Variants in GLI3 observed in about 807,000 individuals in gnomAD.
GLI3 encodes the protein transcription activator GLI3.
A neutral mutation model predicts 100.8 loss-of-function variants in GLI3; 20 were observed. The ratio of observed to expected loss-of-function variants is 0.20; its 90% CI spans 0.14 to 0.29. The LOEUF (loss-of-function observed/expected upper bound fraction) is 0.29. Ranked by LOEUF, GLI3 falls within the 10% of genes least tolerant of loss-of-function variation. The pLI is 1.00. For missense variants in GLI3, 2,040 were observed against 2,128.5 expected (o/e 0.96, Z 0.82); for synonymous variants, 938 against 860.5 (o/e 1.09, Z -1.58).
At chr7:41,969,211 G>C (rs527744740) in intron 13 of GLI3, among the ~76,000 whole-genome samples, 71 of 152,292 alleles carry the variant, frequency 4.7e-4, no homozygotes, top group African/African-American at 1.6e-3. Flanking sequence ...GTCACAAAGT[G>C]AATGGTGCAA....
At position 42,210,854 on chromosome 7, in the gene GLI3, A is replaced by C. The variant is rs548686384; in HGVS notation, c.124+12276T>G. Among the ~76,000 whole-genome samples, 290 of 152,272 alleles carry C rather than the reference A, an allele frequency of 1.9e-3. 1 individual carries two copies. Among genetic ancestry groups the C allele is most frequent in the Non-Finnish European group, 2.5e-3 (172 of 68,010 alleles). On this transcript the variant is annotated intron_variant, in intron 2 of 14. Coordinates refer to ENST00000395925, the MANE Select transcript of GLI3 (RefSeq NM_000168.6). ...CATGTTTCCTCTTCAATCTAGAAAA[A>C]CCAACAAACTACCTTGTGCTAAGCC...
chr7:42,007,006 C>T (rs1554311958), intron 10 of GLI3, among the ~76,000 whole-genome samples: 1 of 151,948 alleles, frequency 6.6e-6, no homozygotes, highest in Non-Finnish European at 1.5e-5. Flanking sequence ...CCACAGGCAG[C>T]AGGTGAGGCT....
At chr7:42,201,055 T>C (rs896893962) in intron 2 of GLI3, among the ~76,000 whole-genome samples, 16 of 152,196 alleles carry the variant, frequency 1.1e-4, no homozygotes, top group African/African-American at 3.9e-4. Flanking sequence ...TAGTCCTGAA[T>C]CCTGTATACA....
chr7:42,107,687 G>A (rs1272310288), intron 3 of GLI3, among the ~76,000 whole-genome samples: 2 of 152,166 alleles, frequency 1.3e-5, no homozygotes, highest in Admixed American at 1.3e-4. Flanking sequence ...ACATTCCAGA[G>A]GAGGGAGGAA....
chr7:42,203,795 T>C (rs112391113), intron 2 of GLI3, among the ~76,000 whole-genome samples: 3,547 of 152,140 alleles, frequency 0.023, 129 homozygotes, highest in African/African-American at 0.081. Context: ...GACCAGGAGT[T>C]TGAGACCAGC....
intron 2 of GLI3, among the ~76,000 whole-genome samples, chr7:42,161,195 T>C (rs1787122856): frequency 6.6e-6 from 1 of 152,144 alleles, no homozygotes; most frequent in South Asian, 2.1e-4. Flanking sequence ...CAAATATATC[T>C]CAAACTTTTT....
chr7:42,138,963 C>G (rs1475624092), intron 3 of GLI3, among the ~76,000 whole-genome samples: 2 of 152,198 alleles, frequency 1.3e-5, no homozygotes, highest in Admixed American at 1.3e-4. Flanking sequence ...GAGACTCTTT[C>G]AGTCCTGGCT....
intron 2 of GLI3, among the ~76,000 whole-genome samples, chr7:42,164,977 T>C (rs538434943): frequency 6.6e-6 from 1 of 151,534 alleles, no homozygotes; most frequent in Admixed American, 6.6e-5. Flanking sequence ...ATGAGGCTTT[T>C]AAATCACTAT....
At chr7:42,214,862 T>TAAA (rs34437341) in intron 2 of GLI3, among the ~76,000 whole-genome samples, 13 of 118,996 alleles carry the variant, frequency 1.1e-4, no homozygotes, top group African/African-American at 3.9e-4. Context: ...CACTGGATGC[T>TAAA]AAAAAAAAAA....
intron 4 of GLI3, among the ~76,000 whole-genome samples, chr7:42,056,380 G>A (rs924150847): frequency 4.6e-5 from 7 of 152,178 alleles, no homozygotes; most frequent in African/African-American, 1.7e-4. Flanking sequence ...CTAATGAGTG[G>A]TGGCACAGCT....
intron 4 of GLI3, among the ~76,000 whole-genome samples, chr7:42,050,814 C>T (rs934977591): frequency 6.6e-6 from 1 of 152,160 alleles, no homozygotes; most frequent in Admixed American, 6.6e-5. Context: ...TATTATTTCT[C>T]CAAAATTCCA....
chr7:42,054,838 A>T (rs1394564555), intron 4 of GLI3, among the ~76,000 whole-genome samples: 1 of 151,586 alleles, frequency 6.6e-6, no homozygotes, highest in Non-Finnish European at 1.5e-5. Context: ...AAAATAAAAA[A>T]ATTAGACTGG....
At chr7:42,077,960 G>T (rs745699563) in intron 3 of GLI3, among the ~76,000 whole-genome samples, 3 of 152,194 alleles carry the variant, frequency 2.0e-5, no homozygotes, top group Non-Finnish European at 4.4e-5. Context: ...CTGGGAGCCT[G>T]CCTAGAGCCA....
chr7:41,963,621 C>T lies in GLI3; in HGVS notation c.*709G>A, dbSNP rs1562655860. On this transcript the variant is annotated 3_prime_UTR_variant, in exon 15 of 15. Transcript: ENST00000395925. ...TACAGACATAGCCTCCCCCAAAGCA[C>T]ACTTACAGACATGAAGAGCTGAAAA... 6.6e-6 allele frequency: 1 copy of T among 152,324 alleles called. No individual in the cohort carries two copies. The highest frequency in any genetic ancestry group is 6.5e-5 in the Admixed American group (1 of 15,288). The allele number at this position is 152,324 out of a possible 1,614,324, so 9.4% of individuals were successfully genotyped here.
In GLI3 at chr7:42,223,275, C is replaced by T. The variant is rs906500864; in HGVS notation, c.-22G>A. The T allele has an allele frequency of 6.2e-7, 1 of 1,610,256 alleles. No individual in the cohort carries two copies. On this transcript the variant is annotated 5_prime_UTR_variant, in exon 2 of 15. Transcript: ENST00000395925. Reference sequence around the variant, plus strand: ...CCATGATGTCTTCTCATTACTTCAGCTCTCTTCGACCAAAAATGCCCTAAA... The same window carrying T: ...CCATGATGTCTTCTCATTACTTCAGTTCTCTTCGACCAAAAATGCCCTAAA...
At chr7:42,142,837 G>A (rs1342957065) in intron 3 of GLI3, among the ~76,000 whole-genome samples, 1 of 151,338 alleles carries the variant, frequency 6.6e-6, no homozygotes, top group Non-Finnish European at 1.5e-5. Flanking sequence ...TACTCGGGAG[G>A]CTGAGGCAGG....
intron 4 of GLI3, among the ~76,000 whole-genome samples, chr7:42,058,176 A>G (rs1015721520): frequency 2.0e-5 from 3 of 152,248 alleles, no homozygotes; most frequent in Admixed American, 6.5e-5. Flanking sequence ...GTATGATCCC[A>G]TTTATATAAA....
intron 2 of GLI3, among the ~76,000 whole-genome samples, chr7:42,218,097 G>T (rs1158792637): frequency 6.6e-6 from 1 of 152,106 alleles, no homozygotes; most frequent in Non-Finnish European, 1.5e-5. Context: ...TGCTACAAAT[G>T]AACATCCTAT....
At chr7:42,073,593 T>C (rs2128750915) in intron 4 of GLI3, among the ~76,000 whole-genome samples, 1 of 152,274 alleles carries the variant, frequency 6.6e-6, no homozygotes, top group Non-Finnish European at 1.5e-5. Context: ...GAGGAGCAAT[T>C]TATAAACCTC....
Sources: gnomAD v4.1 joint callset for allele counts (sites outside exome capture counted in the v4.1 genomes callset) on GRCh38, gnomAD v4.1.1 for gene constraint, MANE v1.5 for transcripts, NCBI Gene and HGNC (gene_info 2026-07-23, HGNC 2026-07-21) for gene names.